CNGA3: variants seen among roughly 807,000 people sequenced by gnomAD.
The protein encoded by CNGA3 is cyclic nucleotide gated channel subunit alpha 3.
Under a neutral mutation model 46.6 loss-of-function variants are expected in CNGA3, and 42 were observed. That is an observed-to-expected ratio of 0.90 (90% CI 0.70 to 1.17). The LOEUF (loss-of-function observed/expected upper bound fraction) is 1.17, where lower values mean the gene tolerates loss of function less well. Among genes scored for constraint, CNGA3 ranks in the 50% most tolerant of loss-of-function variants. The pLI, the probability that CNGA3 is intolerant of heterozygous loss-of-function variation, is 0.00. For missense variants in CNGA3, 893 were observed against 890.7 expected (o/e 1.00, Z -0.03); for synonymous variants, 394 against 369.4 (o/e 1.07, Z -0.76).
In CNGA3 at chr2:98,390,744, G is replaced by A. The variant is rs758066139; in HGVS notation, c.566+970G>A. ...AGGGATGACCTGCTGCTCTCTCTAG[G>A]TAAGCATGGGGTTTGGGGGCCCTTC... On this transcript the variant is annotated intron_variant, in intron 6 of 7. Transcript: ENST00000272602. 3.9e-4 allele frequency among the ~76,000 whole-genome samples: 59 copies of A among 152,246 alleles called. 1 individual carries two copies. The highest frequency in any genetic ancestry group is 1.2e-3 in the South Asian group (6 of 4,828).
chr2:98,392,049 C>T (rs754022156), intron 7 of CNGA3, 79 bp downstream of exon 7: 24 of 1,254,334 alleles, frequency 1.9e-5, no homozygotes, highest in Non-Finnish European at 2.6e-5. Flanking sequence ...GTGGATGGGA[C>T]ATTACCTACC....
At position 98,363,830 on chromosome 2, in the gene CNGA3, C is replaced by G. The variant is rs182033212; in HGVS notation, c.-37-6109C>G. ...GATCCACTTGATCCAGAGCTGACTT[C>G]AAGTCCTGAATATCCTTGTTAATTT... On this transcript the variant is annotated intron_variant, in intron 1 of 7. Coordinates refer to ENST00000272602, the MANE Select transcript of CNGA3 (RefSeq NM_001298.3). Among the ~76,000 whole-genome samples the G allele has an allele frequency of 3.2e-3, 489 of 152,256 alleles. 3 individuals carry two copies. Among genetic ancestry groups the G allele is most frequent in the Non-Finnish European group, 4.9e-3 (334 of 68,024 alleles).
chr2:98,347,207 A>C (rs1392771281), intron 1 of CNGA3: 1 of 152,186 alleles, frequency 6.6e-6, no homozygotes, highest in Admixed American at 6.5e-5. Flanking sequence ...GAGAATTAAA[A>C]TTCTTTTAGG....
intron 7 of CNGA3, among the ~76,000 whole-genome samples, chr2:98,394,863 A>G (rs1692870621): frequency 6.6e-6 from 1 of 152,214 alleles, no homozygotes; most frequent in Admixed American, 6.5e-5. Context: ...TATCTTACGT[A>G]AAATGTAGTT....
In CNGA3 at chr2:98,357,363, G is replaced by A. The variant is rs554360910; in HGVS notation, c.-38+10829G>A. 1.8e-4 allele frequency among the ~76,000 whole-genome samples: 27 copies of A among 152,280 alleles called. No homozygotes were observed. In the South Asian group the frequency reaches 5.6e-3, roughly 32 times the overall value. ...AAGTGGTACATGTAACACTGTAATG[G>A]TAAATGTTGAATAGTGCTAAGTAAA... On this transcript the variant is annotated intron_variant, in intron 1 of 7. Coordinates refer to ENST00000272602, the MANE Select transcript of CNGA3 (RefSeq NM_001298.3).
intron 1 of CNGA3, among the ~76,000 whole-genome samples, chr2:98,362,273 G>T (rs1213648596): frequency 4.2e-5 from 6 of 143,360 alleles, no homozygotes; most frequent in African/African-American, 1.3e-4. Context: ...TCTGCCTCCC[G>T]GGTTCAAGTG....
At chr2:98,389,620 G>A (rs1393369726) in intron 5 of CNGA3, 38 bp from the exon 6 acceptor site, 3 of 1,569,698 alleles carry the variant, frequency 1.9e-6, no homozygotes, top group Non-Finnish European at 2.6e-6. Context: ...TACAGTCTTG[G>A]AGCACAGTGC....
intron 6 of CNGA3, 24 bp from the exon 7 acceptor site, chr2:98,391,840 C>G (rs540328507): frequency 6.2e-7 from 1 of 1,607,234 alleles, no homozygotes; most frequent in Non-Finnish European, 8.5e-7. Context: ...GCACAGCCAT[C>G]CATCTCCCAC....
chr2:98,377,029 A>G (rs1257167357), intron 2 of CNGA3, among the ~76,000 whole-genome samples: 1 of 152,174 alleles, frequency 6.6e-6, no homozygotes, highest in African/African-American at 2.4e-5. Context: ...CTTGCAGGAG[A>G]GAGAGCCTAG....
intron 1 of CNGA3, among the ~76,000 whole-genome samples, chr2:98,367,176 C>CTTTTTT (rs1182363811): frequency 4.3e-5 from 5 of 115,530 alleles, no homozygotes; most frequent in Admixed American, 2.0e-4. Context: ...TGTTTTTTTT[C>CTTTTTT]TTTTTTTTCT....
chr2:98,352,631 A>T (rs1265090257), intron 1 of CNGA3, among the ~76,000 whole-genome samples: 1 of 152,190 alleles, frequency 6.6e-6, no homozygotes, highest in Non-Finnish European at 1.5e-5. Flanking sequence ...GAGTTTCCAG[A>T]TGAGATTAGT....
At chr2:98,384,168 A>G (rs993236410) in intron 5 of CNGA3, among the ~76,000 whole-genome samples, 2 of 152,184 alleles carry the variant, frequency 1.3e-5, no homozygotes, top group African/African-American at 2.4e-5. Flanking sequence ...GATTACAGGC[A>G]TGAGCCACTG....
chr2:98,347,463 A>T (rs1464087983), intron 1 of CNGA3, among the ~76,000 whole-genome samples: 5 of 152,110 alleles, frequency 3.3e-5, no homozygotes, highest in East Asian at 1.9e-4. Context: ...GGGCCGGGTG[A>T]TTCATTTTTC....
intron 2 of CNGA3, among the ~76,000 whole-genome samples, chr2:98,371,484 C>G (rs1692288068): frequency 6.6e-6 from 1 of 152,220 alleles, no homozygotes; most frequent in Admixed American, 6.5e-5. Context: ...CAAACCCACA[C>G]AGCCCTTGAA....
intron 5 of CNGA3, among the ~76,000 whole-genome samples, chr2:98,388,548 C>T (rs1225579433): frequency 6.6e-6 from 1 of 152,210 alleles, no homozygotes; most frequent in Non-Finnish European, 1.5e-5. Flanking sequence ...CCCCATCTTG[C>T]AGAAAGAATC....
intron 1 of CNGA3, among the ~76,000 whole-genome samples, chr2:98,365,823 C>T (rs6714528): frequency 0.14 from 20,580 of 152,154 alleles, 1,596 homozygotes; most frequent in Non-Finnish European, 0.18. Flanking sequence ...TTCTTAGCTT[C>T]TTTGCATTGG....
rs1692901760 is a variant in CNGA3 at position 98,395,971 on chromosome 2, C to A, written c.801C>A (p.Gly267=). 1.2e-6 allele frequency: 2 copies of A among 1,614,218 alleles called. No homozygotes were observed. Among genetic ancestry groups the A allele is most frequent in the South Asian group, 1.1e-5 (1 of 91,088 alleles). Reference sequence around the variant, plus strand: ...CCGACCTGGCTTACTTAAAGGTGGGCACAAACTACCCAGAAGTGAGGTTCA... The same window carrying A: ...CCGACCTGGCTTACTTAAAGGTGGGAACAAACTACCCAGAAGTGAGGTTCA... ...VPTDLAYLKV[G]TNYPEVRFNR... Residue 267 remains glycine, a synonymous_variant, in exon 8 of 8, where the codon GGC becomes GGA. Transcript: ENST00000272602.
intron 4 of CNGA3, among the ~76,000 whole-genome samples, chr2:98,381,297 G>A (rs746312287): frequency 1.2e-4 from 18 of 152,186 alleles, no homozygotes; most frequent in Non-Finnish European, 2.4e-4. Context: ...TTTCTGGGGG[G>A]TGGGAAAAGG....
intron 5 of CNGA3, among the ~76,000 whole-genome samples, chr2:98,384,194 T>A (rs1360844843): frequency 6.6e-6 from 1 of 152,142 alleles, no homozygotes; most frequent in African/African-American, 2.4e-5. Flanking sequence ...CGCCTGAAGT[T>A]CCCGTGTTTT....
Sources: allele counts gnomAD v4.1 joint callset (sites outside exome capture counted in the v4.1 genomes callset), GRCh38; gene constraint gnomAD v4.1.1; transcripts MANE v1.5; gene names NCBI Gene and HGNC (gene_info 2026-07-23, HGNC 2026-07-21).